Variants in PAX3 observed in about 807,000 individuals in gnomAD.
PAX3 encodes paired box protein Pax-3.
PAX3 carries 14 observed loss-of-function variants against 51.6 expected under a neutral mutation model. The observed-to-expected ratio is 0.27, with a 90% CI of 0.18 to 0.42. The LOEUF is 0.42. Ranked by LOEUF, PAX3 falls within the 10% of genes least tolerant of loss-of-function variation. The pLI is 1.00. For synonymous variants in PAX3, 280 were observed against 253.4 expected, an observed-to-expected ratio of 1.11 and a Z score of -1.00; for missense variants, 540 against 642.8, an observed-to-expected ratio of 0.84 and a Z score of 1.73.
At chr2:222,270,209 AAAG>A (rs1694201309) in intron 4 of PAX3, among the ~76,000 whole-genome samples, 1 of 152,222 alleles carries the variant, frequency 6.6e-6, no homozygotes, top group South Asian at 2.1e-4. Flanking sequence ...GTTGATGATT[AAAG>A]AAGGATTTCA....
At chr2:222,294,596 C>A (rs1695188115) in intron 3 of PAX3, among the ~76,000 whole-genome samples, 1 of 152,036 alleles carries the variant, frequency 6.6e-6, no homozygotes. Context: ...CGATTCTGGG[C>A]AGGAAGCATT....
At chr2:222,207,436 A>G (rs114906587) in intron 7 of PAX3, among the ~76,000 whole-genome samples, 1,707 of 152,304 alleles carry the variant, frequency 0.011, 28 homozygotes, top group African/African-American at 0.039. Context: ...GGGAAAGGCC[A>G]AGACTGACCT....
chr2:222,201,801 C>G, intron 8 of PAX3, 143 bp downstream of exon 8: 2 of 1,551,378 alleles, frequency 1.3e-6, no homozygotes, highest in Admixed American at 4.0e-5. Flanking sequence ...CCTGCTGGAA[C>G]AGTCAGCTGG....
chr2:222,200,960 C>T lies in PAX3; in HGVS notation c.*448G>A, dbSNP rs1041003297. ...TAGAAGTATCAGCATCGAACATCGA[C>T]ATGTTATACTTTAGGGTATTCTATT... On this transcript the variant is annotated 3_prime_UTR_variant, in exon 9 of 9. Transcript: ENST00000392070. 3 of 594,830 alleles carry T rather than the reference C, an allele frequency of 5.0e-6. No homozygotes were observed. The highest frequency in any genetic ancestry group is 9.0e-6 in the Non-Finnish European group (3 of 334,428). The allele number at this position is 594,830 out of a possible 1,614,324, so 36.8% of individuals were successfully genotyped here.
intron 4 of PAX3, among the ~76,000 whole-genome samples, chr2:222,234,450 C>G (rs1035729867): frequency 6.6e-6 from 1 of 152,150 alleles, no homozygotes; most frequent in Non-Finnish European, 1.5e-5. Flanking sequence ...CCCAATGCAA[C>G]TTATATACAT....
At chr2:222,264,610 A>G (rs1693978778) in intron 4 of PAX3, 1 of 152,262 alleles carries the variant, frequency 6.6e-6, no homozygotes, top group South Asian at 2.1e-4. Flanking sequence ...TTCAAAAAAT[A>G]AATTTAAAAT....
In PAX3 at chr2:222,298,969, T is replaced by C; in HGVS notation, c.-354A>G. On this transcript the variant is annotated 5_prime_UTR_variant, in exon 1 of 9. Coordinates refer to ENST00000392070, the MANE Select transcript of PAX3 (RefSeq NM_181458.4). The stretch of plus-strand genomic sequence containing the variant: ...TGGTGAGGCTGGAGCGCGGCCTGCC[T>C]GAGTCTCCTCCTGTGGTGACACCGA... 6.7e-6 allele frequency: 3 copies of C among 448,854 alleles called. No homozygotes were observed. The highest frequency in any genetic ancestry group is 8.2e-6 in the Non-Finnish European group (2 of 244,852). 27.8% of individuals were successfully genotyped at this position (448,854 alleles called of 1,614,324 possible).
chr2:222,257,467 A>T (rs1363652197), intron 4 of PAX3, among the ~76,000 whole-genome samples: 1 of 152,206 alleles, frequency 6.6e-6, no homozygotes, highest in Non-Finnish European at 1.5e-5. Flanking sequence ...TCAAAAAATA[A>T]TTATTTGCTG....
At chr2:222,217,155 G>T (rs538460507) in intron 7 of PAX3, among the ~76,000 whole-genome samples, 5 of 152,150 alleles carry the variant, frequency 3.3e-5, no homozygotes, top group Non-Finnish European at 4.4e-5. Flanking sequence ...CATGGTAGTT[G>T]CCTTGGGGGT....
chr2:222,258,363 T>C (rs1265261454), intron 4 of PAX3, among the ~76,000 whole-genome samples: 2 of 152,230 alleles, frequency 1.3e-5, no homozygotes, highest in Non-Finnish European at 2.9e-5. Context: ...TATTAGATTA[T>C]TAACAGTAAG....
chr2:222,256,336 C>A (rs1259590831), intron 4 of PAX3, among the ~76,000 whole-genome samples: 2 of 152,126 alleles, frequency 1.3e-5, no homozygotes, highest in African/African-American at 4.8e-5. Flanking sequence ...TGCTCACCAT[C>A]CTCTGGACGA....
At chr2:222,278,066 G>A (rs1044855076) in intron 4 of PAX3, among the ~76,000 whole-genome samples, 12 of 151,776 alleles carry the variant, frequency 7.9e-5, no homozygotes, top group African/African-American at 2.7e-4. Flanking sequence ...GGCCCAAGGA[G>A]CCCAAAAGAT....
At chr2:222,245,937 T>C (rs1308747323) in intron 4 of PAX3, among the ~76,000 whole-genome samples, 1 of 152,088 alleles carries the variant, frequency 6.6e-6, no homozygotes, top group Non-Finnish European at 1.5e-5. Flanking sequence ...GTTGAAATCA[T>C]GCCACTGCAT....
At chr2:222,295,036 C>A (rs1695219259) in intron 3 of PAX3, among the ~76,000 whole-genome samples, 2 of 151,968 alleles carry the variant, frequency 1.3e-5, no homozygotes, top group Non-Finnish European at 2.9e-5. Context: ...CCCGTGCTTG[C>A]CCCTCTTCTC....
At chr2:222,216,978 T>C (rs1691987097) in intron 7 of PAX3, among the ~76,000 whole-genome samples, 1 of 152,206 alleles carries the variant, frequency 6.6e-6, no homozygotes, top group South Asian at 2.1e-4. Flanking sequence ...CAAAAAACTA[T>C]AACCAATTCG....
chr2:222,200,884 A>G lies in PAX3; in HGVS notation c.*524T>C, dbSNP rs1216378785. ...TTTATTTCAATTTCCAGTGTGTAAG[A>G]GTCAAGGATTCCTCCATTCTTGCTT... On this transcript the variant is annotated 3_prime_UTR_variant, in exon 9 of 9. Transcript: ENST00000392070. 1 of 481,474 alleles carries G rather than the reference A, an allele frequency of 2.1e-6. No homozygotes were observed. The highest frequency in any genetic ancestry group is 2.7e-5 in the South Asian group (1 of 37,716). 29.8% of individuals were successfully genotyped at this position (481,474 alleles called of 1,614,324 possible). A position where few individuals can be genotyped will look rare whatever the true frequency, so the allele number is the denominator to read the frequency against.
intron 4 of PAX3, among the ~76,000 whole-genome samples, chr2:222,233,479 G>A (rs1045689997): frequency 1.3e-5 from 2 of 152,166 alleles, no homozygotes; most frequent in African/African-American, 4.8e-5. Context: ...AGAATTTGAT[G>A]AGGGCAGGGG....
chr2:222,285,801 A>G (rs982697415), intron 4 of PAX3, among the ~76,000 whole-genome samples: 1 of 152,232 alleles, frequency 6.6e-6, no homozygotes, highest in Non-Finnish European at 1.5e-5. Flanking sequence ...TTAAGTTTTG[A>G]TAAAACTATA....
chr2:222,201,034 TACACACAC>T lies in PAX3; in HGVS notation c.*366_*373del. The T allele has an allele frequency of 6.2e-6, 5 of 801,008 alleles. No individual in the cohort carries two copies. Among genetic ancestry groups the T allele is most frequent in the East Asian group, 2.9e-5 (1 of 34,876 alleles). 49.6% of individuals were successfully genotyped at this position (801,008 alleles called of 1,614,324 possible). A position where few individuals can be genotyped will look rare whatever the true frequency, so the allele number is the denominator to read the frequency against. Reference sequence around the variant, plus strand: ...CCAAACCAGTCTGGGTAAATCTCAATACACACACACACACACACACGCACGCACGCACA... The same window carrying T: ...CCAAACCAGTCTGGGTAAATCTCAATACACACACACACGCACGCACGCACA... On this transcript the variant is annotated 3_prime_UTR_variant, in exon 9 of 9. Coordinates refer to ENST00000392070, the MANE Select transcript of PAX3 (RefSeq NM_181458.4).
Sources: allele counts gnomAD v4.1 joint callset (sites outside exome capture counted in the v4.1 genomes callset), GRCh38; gene constraint gnomAD v4.1.1; transcripts MANE v1.5; gene names NCBI Gene and HGNC (gene_info 2026-07-23, HGNC 2026-07-21).